Variants in SLC5A9 observed in about 807,000 individuals in gnomAD.
SLC5A9 encodes solute carrier family 5 member 9.
In SLC5A9, 59 loss-of-function variants were observed where a neutral mutation model predicts 70.9. The ratio of observed to expected loss-of-function variants is 0.83; its 90% CI spans 0.68 to 1.03. The LOEUF (loss-of-function observed/expected upper bound fraction) is 1.03, where lower values mean the gene tolerates loss of function less well. SLC5A9 is among the 50% of genes least tolerant of loss of function. SLC5A9 has a pLI of 0.00. For missense variants in SLC5A9, 832 were observed against 881.1 expected (o/e 0.94, Z 0.71); for synonymous variants, 340 against 346.5 (o/e 0.98, Z 0.21).
Position 48,222,793 on chromosome 1 carries a change from T to A in SLC5A9, c.57T>A (p.Thr19=), listed in dbSNP as rs1409327677. ...GAGCTTCAGGGGACGGGGTCAGGAC[T>A]GAGACAGCTCCACACATAGCACTGG... ...GPGASGDGVR[T]ETAPHIALDS... The change falls in exon 1 of 14, where the codon ACT becomes ACA. Residue 19 remains threonine, a synonymous_variant. Coordinates refer to ENST00000438567, the MANE Select transcript of SLC5A9 (RefSeq NM_001011547.3). The A allele has an allele frequency of 8.1e-6, 13 of 1,614,136 alleles. No homozygotes were observed. Among genetic ancestry groups the A allele is most frequent in the Non-Finnish European group, 1.0e-5 (12 of 1,180,004 alleles).
intron 9 of SLC5A9, among the ~76,000 whole-genome samples, chr1:48,235,259 G>C (rs1431974485): frequency 2.6e-5 from 4 of 152,164 alleles, no homozygotes; most frequent in Admixed American, 6.5e-5. Context: ...CAGGGCTTTA[G>C]CCCAACACCA....
rs1177015731 is a variant in SLC5A9, at chr1:48,247,333, A to C, written c.1838-2A>C. ...CTTTGTCTTCTGGCTTTGTCCCTCC[A>C]GCCCCAAGCAGGTCCTGGGGAAAGT... On this transcript the variant is annotated splice_acceptor_variant, in intron 13 of 13. Transcript: ENST00000438567. LOFTEE classifies it high-confidence loss of function. The C allele has an allele frequency of 1.2e-6, 2 of 1,613,186 alleles. No homozygotes were observed. Among genetic ancestry groups the C allele is most frequent in the Non-Finnish European group, 1.7e-6 (2 of 1,179,662 alleles).
At chr1:48,238,273 T>C (rs919792013) in intron 11 of SLC5A9, among the ~76,000 whole-genome samples, 1 of 152,148 alleles carries the variant, frequency 6.6e-6, no homozygotes, top group Non-Finnish European at 1.5e-5. Flanking sequence ...CAAGGAACAG[T>C]GTGTGTGAAC....
At chr1:48,241,152 A>C (rs1569861114) in intron 12 of SLC5A9, 1 of 152,170 alleles carries the variant, frequency 6.6e-6, no homozygotes, top group East Asian at 1.9e-4. Context: ...TCTGTGGCCT[A>C]TAACCTGTCT....
chr1:48,222,959 G>A, intron 1 of SLC5A9, 61 bp downstream of exon 1: 1 of 1,578,742 alleles, frequency 6.3e-7, no homozygotes, highest in South Asian at 1.1e-5. Flanking sequence ...CAGCTTGGGT[G>A]GGGCTGTGGA....
intron 13 of SLC5A9, among the ~76,000 whole-genome samples, chr1:48,244,862 GTATGTATGTGTATGTGTATA>G (rs1485619403): frequency 6.9e-5 from 1 of 14,442 alleles, no homozygotes; most frequent in Non-Finnish European, 1.3e-4. Flanking sequence ...CTGTGTGTGT[GTATGTATGTGTATGTGTATA>G]TATATATATA....
rs370412840 is a variant in SLC5A9 at position 48,242,607 on chromosome 1, C to A, written c.1828C>A (p.Gln610Lys). ...AAENSSLGQE[Q>K]PEAPSRSWGK... ...AGAGAACTCGAGCCTGGGCCAGGAG[C>A]AGCCTGAAGGTAGGCTGCGGCAGGC... Residue 610 changes from glutamine to lysine, a missense_variant, in exon 13 of 14, where the codon CAG becomes AAG. Transcript: ENST00000438567. 4 of 1,610,248 alleles carry A rather than the reference C, an allele frequency of 2.5e-6. No individual in the cohort carries two copies. In the Admixed American group the frequency reaches 6.7e-5, roughly 27 times the overall value.
chr1:48,243,702 C>T (rs912547162), intron 13 of SLC5A9, among the ~76,000 whole-genome samples: 9 of 151,566 alleles, frequency 5.9e-5, no homozygotes, highest in South Asian at 2.1e-4. Flanking sequence ...AACCTGCACA[C>T]GTATCCCTGA....
At chr1:48,233,825 C>T (rs1004418510) in intron 9 of SLC5A9, 63 bp downstream of exon 9, 2 of 1,209,480 alleles carry the variant, frequency 1.7e-6, no homozygotes. Flanking sequence ...ATCTCCACTG[C>T]CCAGGAGGGA....
chr1:48,229,136 A>G, intron 3 of SLC5A9, 159 bp from the exon 4 acceptor site: 1 of 1,613,878 alleles, frequency 6.2e-7, no homozygotes, highest in Non-Finnish European at 8.5e-7. Flanking sequence ...AGACAGAGGG[A>G]TCCATCCAAG....
chr1:48,225,412 G>A (rs1455203022), intron 2 of SLC5A9, among the ~76,000 whole-genome samples: 2 of 152,100 alleles, frequency 1.3e-5, no homozygotes, highest in African/African-American at 4.8e-5. Context: ...TCAGGGAATC[G>A]ATCCCCAAAC....
intron 9 of SLC5A9, among the ~76,000 whole-genome samples, chr1:48,234,895 GAAC>G (rs1644305780): frequency 6.6e-6 from 1 of 152,106 alleles, no homozygotes; most frequent in Non-Finnish European, 1.5e-5. Flanking sequence ...CTAAAGAGGG[GAAC>G]AGAAGGCCCC....
Position 48,222,790 on chromosome 1 carries a change from G to A in SLC5A9, c.54G>A (p.Arg18=). 6.2e-7 allele frequency: 1 copy of A among 1,614,214 alleles called. No individual in the cohort carries two copies. Among genetic ancestry groups the A allele is most frequent in the South Asian group, 1.1e-5 (1 of 91,078 alleles). Residue 18 remains arginine, a synonymous_variant, in exon 1 of 14, where the codon AGG becomes AGA. Transcript: ENST00000438567. ...CTGGAGCTTCAGGGGACGGGGTCAG[G>A]ACTGAGACAGCTCCACACATAGCAC... ...MGPGASGDGV[R]TETAPHIALD... is the part of the protein sequence containing the mutation.
At chr1:48,232,828 A>AGAGG (rs1336310228) in intron 8 of SLC5A9, among the ~76,000 whole-genome samples, 1 of 150,040 alleles carries the variant, frequency 6.7e-6, no homozygotes. Flanking sequence ...AGAAGAGAAA[A>AGAGG]GAGGGAGGGA....
chr1:48,232,413 AGG>A lies in SLC5A9; in HGVS notation c.946_947del (p.Gly316ArgfsTer37). 6.2e-7 allele frequency: 1 copy of A among 1,614,138 alleles called. No homozygotes were observed. Among genetic ancestry groups the A allele is most frequent in the Non-Finnish European group, 8.5e-7 (1 of 1,180,020 alleles). ...TCGGCCAAGAGTCTGTCTCATGCCA[AGG>A]GAGGCTCCGTGCTGGGGGGCTACCT... On this transcript the variant is annotated frameshift_variant, in exon 8 of 14. Coordinates refer to ENST00000438567, the MANE Select transcript of SLC5A9 (RefSeq NM_001011547.3). LOFTEE classifies it high-confidence loss of function.
chr1:48,232,171 T>C lies in SLC5A9; in HGVS notation c.897+20T>C. The C allele has an allele frequency of 6.3e-7, 1 of 1,596,312 alleles. No individual in the cohort carries two copies. The highest frequency in any genetic ancestry group is 8.6e-7 in the Non-Finnish European group (1 of 1,167,838). ...GACCAGGTAATCCCCCAGCCAGGCT[T>C]AGCCCAGCCTGCCAGGAAGTGGGGT... On this transcript the variant is annotated intron_variant, in intron 7 of 13. Transcript: ENST00000438567.
At chr1:48,233,389 TAG>T (rs1644284215) in intron 8 of SLC5A9, among the ~76,000 whole-genome samples, 3 of 115,676 alleles carry the variant, frequency 2.6e-5, no homozygotes, top group East Asian at 4.1e-4. Context: ...AAAAAAAAGA[TAG>T]AAAAGAACAC....
chr1:48,237,134 A>G (rs1258520800), intron 10 of SLC5A9, among the ~76,000 whole-genome samples: 1 of 152,138 alleles, frequency 6.6e-6, no homozygotes, highest in Non-Finnish European at 1.5e-5. Context: ...TACATGCAGA[A>G]TGCTTTGGGG....
chr1:48,243,939 G>A (rs559486746), intron 13 of SLC5A9, among the ~76,000 whole-genome samples: 176 of 151,232 alleles, frequency 1.2e-3, no homozygotes, highest in Non-Finnish European at 1.4e-3. Context: ...TGTCCCCAAG[G>A]AGGTGAGAAT....
Sources: gnomAD v4.1 joint callset for allele counts (sites outside exome capture counted in the v4.1 genomes callset) on GRCh38, gnomAD v4.1.1 for gene constraint, MANE v1.5 for transcripts, NCBI Gene and HGNC (gene_info 2026-07-23, HGNC 2026-07-21) for gene names.